The following SLC25A37 variants were observed in gnomAD, a reference collection of about 807,000 sequenced individuals.
The protein encoded by SLC25A37 is solute carrier family 25 member 37, also known as mitoferrin-1.
In SLC25A37, 17 loss-of-function variants were observed where a neutral mutation model predicts 31.0. The ratio of observed to expected loss-of-function variants is 0.55; its 90% CI spans 0.38 to 0.82. The LOEUF is 0.82. Among genes scored for constraint, SLC25A37 ranks in the 40% least tolerant of loss-of-function variants. The pLI is 0.00. For synonymous variants in SLC25A37, 222 were observed against 193.0 expected (o/e 1.15, Z -1.24); for missense variants, 404 against 465.8 (o/e 0.87, Z 1.22).
chr8:23,549,915 G>C (rs112253587), intron 1 of SLC25A37, among the ~76,000 whole-genome samples: 2 of 138,548 alleles, frequency 1.4e-5, no homozygotes, highest in Non-Finnish European at 3.0e-5. Context: ...GGCAGAATTT[G>C]AGGAGGACTT....
rs118101879 is a variant in SLC25A37, at chr8:23,544,998, C to G, written c.210+15786C>G. On this transcript the variant is annotated intron_variant, in intron 1 of 3. Coordinates refer to ENST00000519973, the MANE Select transcript of SLC25A37 (RefSeq NM_016612.4). ...CTAAGCGGTCACATCAGAGGCATTTCTGCTCATCGTTGGCTCATAATAGGT... is the reference window on the plus strand; with the variant it reads ...CTAAGCGGTCACATCAGAGGCATTTGTGCTCATCGTTGGCTCATAATAGGT... 6.8e-4 allele frequency among the ~76,000 whole-genome samples: 103 copies of G among 152,328 alleles called. 1 individual carries two copies. The East Asian group carries it at 0.019, about 27-fold the overall frequency.
chr8:23,548,359 C>T (rs1802125040), intron 1 of SLC25A37, among the ~76,000 whole-genome samples: 1 of 151,756 alleles, frequency 6.6e-6, no homozygotes, highest in African/African-American at 2.4e-5. Flanking sequence ...TTTGTATTCT[C>T]AGTAGAGATG....
chr8:23,571,564 G>GCTGGCCGGGGCC lies in SLC25A37; in HGVS notation c.729_740dup (p.Gly245_Ala248dup). On this transcript the variant is annotated inframe_insertion, in exon 4 of 4. Transcript: ENST00000519973. ...CGCAGTCCCACATCATCTCAGGCGG[G>GCTGGCCGGGGCC]CTGGCCGGGGCCCTCGCCGCGGCCG... The GCTGGCCGGGGCC allele has an allele frequency of 1.2e-6, 2 of 1,613,764 alleles. No homozygotes were observed. Among genetic ancestry groups the GCTGGCCGGGGCC allele is most frequent in the Non-Finnish European group, 1.7e-6 (2 of 1,179,814 alleles).
rs913497624 is a variant in SLC25A37 at position 23,529,633 on chromosome 8, G to A, written c.210+421G>A. On this transcript the variant is annotated intron_variant, in intron 1 of 3. Coordinates refer to ENST00000519973, the MANE Select transcript of SLC25A37 (RefSeq NM_016612.4). The surrounding 1 kb of genome is among the most constrained non-coding windows in gnomAD (Gnocchi z 4.1). ...CGGTTTCCGAGGGAGCTCCCCGCAG[G>A]GGAAGCCCTCACCACGCTGGAGCTG... Among the ~76,000 whole-genome samples, 15 of 152,206 alleles carry A rather than the reference G, an allele frequency of 9.9e-5. No individual in the cohort carries two copies. The highest frequency in any genetic ancestry group is 1.6e-4 in the Non-Finnish European group (11 of 68,032).
intron 1 of SLC25A37, among the ~76,000 whole-genome samples, chr8:23,550,530 C>T (rs1802195684): frequency 6.6e-6 from 1 of 152,254 alleles, no homozygotes; most frequent in Non-Finnish European, 1.5e-5. Context: ...GGCGTGGGAA[C>T]TGCATTTGTA....
Position 23,568,784 on chromosome 8 carries a change from A to G in SLC25A37, c.496+406A>G, listed in dbSNP as rs1241319722. 1.7e-5 allele frequency: 4 copies of G among 239,712 alleles called. No individual in the cohort carries two copies. In the East Asian group the frequency reaches 4.0e-4, roughly 24 times the overall value. 14.8% of individuals were successfully genotyped at this position (239,712 alleles called of 1,614,324 possible). On this transcript the variant is annotated intron_variant, in intron 3 of 3. Coordinates refer to ENST00000519973, the MANE Select transcript of SLC25A37 (RefSeq NM_016612.4). ...ATGGAGAGACCCCCATCTCTACTAAAAATACAAAAATTAGCCTAGTGTGGT... is the reference window on the plus strand; with the variant it reads ...ATGGAGAGACCCCCATCTCTACTAAGAATACAAAAATTAGCCTAGTGTGGT...
At chr8:23,544,998 C>T (rs118101879) in intron 1 of SLC25A37, among the ~76,000 whole-genome samples, 1 of 152,210 alleles carries the variant, frequency 6.6e-6, no homozygotes, top group Non-Finnish European at 1.5e-5. Flanking sequence ...AGAGGCATTT[C>T]TGCTCATCGT....
intron 1 of SLC25A37, among the ~76,000 whole-genome samples, chr8:23,544,837 TCTC>T (rs1801993590): frequency 6.6e-6 from 1 of 152,146 alleles, no homozygotes; most frequent in South Asian, 2.1e-4. Flanking sequence ...TGGCAGCTCT[TCTC>T]CTCTCTGTTC....
chr8:23,544,682 A>G (rs1025218216), intron 1 of SLC25A37, among the ~76,000 whole-genome samples: 1 of 152,086 alleles, frequency 6.6e-6, no homozygotes, highest in Admixed American at 6.6e-5. Flanking sequence ...TTACAACTAA[A>G]CTGTATGATT....
At chr8:23,568,953 A>G (rs1290513615) in intron 3 of SLC25A37, 2 of 153,688 alleles carry the variant, frequency 1.3e-5, no homozygotes, top group Non-Finnish European at 2.9e-5. Flanking sequence ...AAAAGGAAAA[A>G]AAAAAAAAAA....
In SLC25A37 at chr8:23,555,328, A is replaced by T. The variant is rs74510382; in HGVS notation, c.211-10780A>T. 2.0e-3 allele frequency among the ~76,000 whole-genome samples: 303 copies of T among 152,010 alleles called. 2 individuals carry two copies. Among genetic ancestry groups the T allele is most frequent in the Middle Eastern group, 3.4e-3 (1 of 294 alleles). On this transcript the variant is annotated intron_variant, in intron 1 of 3. Coordinates refer to ENST00000519973, the MANE Select transcript of SLC25A37 (RefSeq NM_016612.4). ...AGCTCTAATTCTTACAGCTTGACATACTCTTCCTTTTTCTAGGTGGCTGTT... is the reference window on the plus strand; with the variant it reads ...AGCTCTAATTCTTACAGCTTGACATTCTCTTCCTTTTTCTAGGTGGCTGTT...
intron 1 of SLC25A37, among the ~76,000 whole-genome samples, chr8:23,546,515 A>G (rs1295081914): frequency 2.7e-5 from 2 of 73,622 alleles, no homozygotes; most frequent in Non-Finnish European, 4.4e-5. Context: ...ATATATAGGT[A>G]TATATATATA....
At chr8:23,538,959 G>C (rs13439692) in intron 1 of SLC25A37, among the ~76,000 whole-genome samples, 7,738 of 152,178 alleles carry the variant, frequency 0.051, 338 homozygotes, top group Admixed American at 0.098. Flanking sequence ...GTGGTCCTCA[G>C]TTGTGTTCCC....
rs753774312 is a variant in SLC25A37 at position 23,571,624 on chromosome 8, G to A, written c.786G>A (p.Leu262=). The change falls in exon 4 of 4, where the codon CTG becomes CTA. Residue 262 remains leucine (L), a synonymous_variant. Transcript: ENST00000519973. ...CCCTGGACGTCTGTAAGACCCTTCT[G>A]AACACTCAGGAGAACGTGGCCCTCT... is the stretch of plus-strand genomic sequence containing the variant. ...TTPLDVCKTL[L]NTQENVALSL... is the part of the protein sequence containing the mutation. 2 of 1,613,898 alleles carry A rather than the reference G, an allele frequency of 1.2e-6. No individual in the cohort carries two copies. Among genetic ancestry groups the A allele is most frequent in the South Asian group, 2.2e-5 (2 of 91,076 alleles).
intron 1 of SLC25A37, among the ~76,000 whole-genome samples, chr8:23,552,480 G>T (rs1802252967): frequency 6.6e-6 from 1 of 152,170 alleles, no homozygotes; most frequent in South Asian, 2.1e-4. Context: ...TGGGGTAGAA[G>T]CTCTCTATAT....
chr8:23,561,325 T>G (rs1585197953), intron 1 of SLC25A37, among the ~76,000 whole-genome samples: 1 of 150,824 alleles, frequency 6.6e-6, no homozygotes, highest in African/African-American at 2.4e-5. Context: ...GGGGAGGGGG[T>G]GAGAAATCAG....
chr8:23,542,185 G>GGC (rs1801911839), intron 1 of SLC25A37, among the ~76,000 whole-genome samples: 1 of 152,078 alleles, frequency 6.6e-6, no homozygotes, highest in South Asian at 2.1e-4. Flanking sequence ...ATTACCTAGG[G>GGC]GCATCACAAC....
At chr8:23,561,552 T>G (rs1442342116) in intron 1 of SLC25A37, among the ~76,000 whole-genome samples, 1 of 152,250 alleles carries the variant, frequency 6.6e-6, no homozygotes, top group Non-Finnish European at 1.5e-5. Flanking sequence ...TTAAGGAACC[T>G]GCTTGAGGTC....
intron 3 of SLC25A37, chr8:23,568,818 C>T (rs933601539): frequency 1.0e-5 from 2 of 196,682 alleles, no homozygotes; most frequent in Non-Finnish European, 2.1e-5. Flanking sequence ...GTGTGTGCAC[C>T]TGTAATCCCA....
Sources: gnomAD v4.1 joint callset for allele counts (sites outside exome capture counted in the v4.1 genomes callset) on GRCh38, gnomAD v4.1.1 for gene constraint, Gnocchi (gnomAD v3.1) non-coding constraint, MANE v1.5 for transcripts, NCBI Gene and HGNC (gene_info 2026-07-23, HGNC 2026-07-21) for gene names.